Variants in PSTPIP2 observed in about 807,000 individuals in gnomAD.
The protein encoded by PSTPIP2 is proline-serine-threonine phosphatase-interacting protein 2.
PSTPIP2 carries 33 observed loss-of-function variants against 63.3 expected under a neutral mutation model. The observed-to-expected ratio is 0.52, with a 90% CI of 0.40 to 0.70. The LOEUF (loss-of-function observed/expected upper bound fraction) is 0.70. Among genes scored for constraint, PSTPIP2 ranks in the 30% least tolerant of loss-of-function variants. The pLI, the probability that PSTPIP2 is intolerant of heterozygous loss-of-function variation, is 0.00. For synonymous variants in PSTPIP2, 125 were observed against 132.7 expected (o/e 0.94, Z 0.40); for missense variants, 312 against 400.7 (o/e 0.78, Z 1.89).
chr18:46,011,041 CA>C lies in PSTPIP2; in HGVS notation c.354+139del. ...CATATACCCATCTGGACTGAGTCCCCATGTGGGGACTCCAGTAAGTAATTTC... is the reference window on the plus strand; with the variant it reads ...CATATACCCATCTGGACTGAGTCCCCTGTGGGGACTCCAGTAAGTAATTTC... On this transcript the variant is annotated intron_variant, in intron 5 of 14. Transcript: ENST00000409746. 3 of 702,240 alleles carry C rather than the reference CA, an allele frequency of 4.3e-6. No individual in the cohort carries two copies. The South Asian group carries it at 5.2e-5, about 12-fold the overall frequency. The allele number at this position is 702,240 out of a possible 1,614,324, so 43.5% of individuals were successfully genotyped here.
intron 2 of PSTPIP2, among the ~76,000 whole-genome samples, chr18:46,027,341 TAAAA>T (rs1555689892): frequency 4.2e-4 from 48 of 113,340 alleles, no homozygotes; most frequent in African/African-American, 1.3e-3. Flanking sequence ...AATAAATAAA[TAAAA>T]ATATTAAAAA....
chr18:46,052,565 T>C lies in PSTPIP2; in HGVS notation c.34-12518A>G, dbSNP rs1272388221. ...GTTAATAGAAAATGTTTAATGTTAA[T>C]TTAAAAAAAAAAACTTTTTCTAAGG... is the stretch of plus-strand genomic sequence containing the variant. On this transcript the variant is annotated intron_variant, in intron 1 of 14. Coordinates refer to ENST00000409746, the MANE Select transcript of PSTPIP2 (RefSeq NM_024430.4). 6.2e-5 allele frequency among the ~76,000 whole-genome samples: 7 copies of C among 113,768 alleles called. No individual in the cohort carries two copies. The Admixed American group carries it at 7.7e-4, about 12-fold the overall frequency. 74.6% of individuals were successfully genotyped at this position (113,768 alleles called of 152,430 possible). A position where few individuals can be genotyped will look rare whatever the true frequency, so the allele number is the denominator to read the frequency against.
In PSTPIP2 at chr18:46,072,159, A is replaced by G. The variant is rs1347616015; in HGVS notation, c.30T>C (p.Phe10=). 5.9e-6 allele frequency: 9 copies of G among 1,535,690 alleles called. No individual in the cohort carries two copies. The Admixed American group carries it at 1.6e-4, about 28-fold the overall frequency. MTRSLFKGN[F]WSADILSTIG... ...CGCTGTCGGCCCCACGACTTACCCAAAAGTTTCCCTTGAACAGTGAGCGCG... is the reference window on the plus strand; with the variant it reads ...CGCTGTCGGCCCCACGACTTACCCAGAAGTTTCCCTTGAACAGTGAGCGCG... The change falls in exon 1 of 15, where the codon TTT becomes TTC. Residue 10 remains phenylalanine, a synonymous_variant. Coordinates refer to ENST00000409746, the MANE Select transcript of PSTPIP2 (RefSeq NM_024430.4).
intron 6 of PSTPIP2, among the ~76,000 whole-genome samples, chr18:46,002,448 A>G (rs1028501553): frequency 1.3e-5 from 2 of 151,934 alleles, no homozygotes; most frequent in Non-Finnish European, 2.9e-5. Flanking sequence ...TCTGTTGTTC[A>G]TGTCTGGTAA....
chr18:46,043,475 A>T (rs1170805660), intron 1 of PSTPIP2, among the ~76,000 whole-genome samples: 1 of 152,170 alleles, frequency 6.6e-6, no homozygotes, highest in African/African-American at 2.4e-5. Context: ...TCACAATAGA[A>T]AATCAACAAA....
chr18:46,067,249 T>C (rs1909223494), intron 1 of PSTPIP2, among the ~76,000 whole-genome samples: 1 of 151,998 alleles, frequency 6.6e-6, no homozygotes, highest in Admixed American at 6.6e-5. Flanking sequence ...ACTCCTGTAA[T>C]CCCAGCACTT....
chr18:46,014,983 C>T (rs1356942558), intron 4 of PSTPIP2, among the ~76,000 whole-genome samples: 2 of 152,010 alleles, frequency 1.3e-5, no homozygotes, highest in Non-Finnish European at 2.9e-5. Context: ...CTCTGAGGAC[C>T]CGCAATATGG....
intron 4 of PSTPIP2, among the ~76,000 whole-genome samples, chr18:46,014,157 G>T (rs1431837723): frequency 6.6e-6 from 1 of 151,986 alleles, no homozygotes; most frequent in African/African-American, 2.4e-5. Flanking sequence ...GGAGTAGCTG[G>T]GACTACAGGC....
At chr18:46,051,397 C>T (rs1217774777) in intron 1 of PSTPIP2, among the ~76,000 whole-genome samples, 1 of 152,178 alleles carries the variant, frequency 6.6e-6, no homozygotes, top group Non-Finnish European at 1.5e-5. Context: ...ATCACTTGAG[C>T]CCGGGAAGTG....
chr18:46,003,289 G>C (rs2051688693), intron 6 of PSTPIP2, among the ~76,000 whole-genome samples: 2 of 152,216 alleles, frequency 1.3e-5, no homozygotes, highest in Non-Finnish European at 2.9e-5. Flanking sequence ...CAATAACACT[G>C]TGTAGAGGAG....
intron 2 of PSTPIP2, among the ~76,000 whole-genome samples, chr18:46,039,364 T>C (rs1282123876): frequency 6.6e-6 from 1 of 152,124 alleles, no homozygotes; most frequent in African/African-American, 2.4e-5. Context: ...TTCACAGCTT[T>C]CCCACAGCTC....
intron 6 of PSTPIP2, among the ~76,000 whole-genome samples, chr18:46,001,524 C>A (rs1456054161): frequency 6.6e-6 from 1 of 152,006 alleles, no homozygotes; most frequent in Admixed American, 6.6e-5. Flanking sequence ...GAATAATTTG[C>A]ATATTTTCTC....
intron 13 of PSTPIP2, among the ~76,000 whole-genome samples, chr18:45,989,001 T>G (rs935285890): frequency 1.6e-4 from 24 of 152,228 alleles, no homozygotes; most frequent in African/African-American, 4.8e-4. Context: ...GTACCCACAG[T>G]AAAATCATCT....
chr18:46,070,475 G>A (rs1909354210), intron 1 of PSTPIP2, among the ~76,000 whole-genome samples: 1 of 152,180 alleles, frequency 6.6e-6, no homozygotes, highest in Non-Finnish European at 1.5e-5. Context: ...TAAAACTGTG[G>A]CTAAATACTG....
At chr18:45,998,599 C>T (rs2051628862) in intron 8 of PSTPIP2, among the ~76,000 whole-genome samples, 195 bp downstream of exon 8, 1 of 152,116 alleles carries the variant, frequency 6.6e-6, no homozygotes, top group Non-Finnish European at 1.5e-5. Context: ...CTCTCCTCTT[C>T]TTTCCTTTCC....
At chr18:46,062,799 G>A (rs1014712360) in intron 1 of PSTPIP2, among the ~76,000 whole-genome samples, 1 of 152,068 alleles carries the variant, frequency 6.6e-6, no homozygotes, top group Non-Finnish European at 1.5e-5. Context: ...ACAGGCAGGA[G>A]CCACCATCCC....
intron 9 of PSTPIP2, among the ~76,000 whole-genome samples, chr18:45,997,314 G>C (rs2051607269): frequency 6.6e-6 from 1 of 152,042 alleles, no homozygotes. Context: ...TCAGCCTCTA[G>C]AATAGCTGGG....
intron 2 of PSTPIP2, among the ~76,000 whole-genome samples, chr18:46,026,007 ACC>A (rs778374664): frequency 6.6e-6 from 1 of 152,100 alleles, no homozygotes; most frequent in Non-Finnish European, 1.5e-5. Context: ...CACCTGCCTC[ACC>A]CTTTCAAAGT....
chr18:46,049,775 G>T (rs1225754487), intron 1 of PSTPIP2, among the ~76,000 whole-genome samples: 1 of 152,226 alleles, frequency 6.6e-6, no homozygotes, highest in African/African-American at 2.4e-5. Context: ...AGTTACTTGG[G>T]AGGCTGAGGC....
Sources: allele counts gnomAD v4.1 joint callset (sites outside exome capture counted in the v4.1 genomes callset), GRCh38; gene constraint gnomAD v4.1.1; transcripts MANE v1.5; gene names NCBI Gene and HGNC (gene_info 2026-07-23, HGNC 2026-07-21).